Variants in EPSTI1 observed in about 807,000 individuals in gnomAD.
The protein encoded by EPSTI1 is epithelial-stromal interaction protein 1.
EPSTI1 carries 66 observed loss-of-function variants against 49.9 expected under a neutral mutation model. That is an observed-to-expected ratio of 1.32 (90% confidence interval 1.08 to 1.62). EPSTI1 has a LOEUF of 1.62. Ranked by LOEUF, EPSTI1 falls within the 40% of genes most tolerant of loss-of-function variation. The probability of loss-of-function intolerance (pLI) is 0.00; values close to 1 mark genes in which losing one functional copy is unlikely to be tolerated. For missense variants in EPSTI1, 394 were observed against 365.5 expected, an observed-to-expected ratio of 1.08 and a Z score of -0.64; for synonymous variants, 137 against 130.7, an observed-to-expected ratio of 1.05 and a Z score of -0.33.
chr13:42,956,828 T>C (rs1361696640), intron 5 of EPSTI1, among the ~76,000 whole-genome samples: 1 of 152,120 alleles, frequency 6.6e-6, no homozygotes, highest in Non-Finnish European at 1.5e-5. Flanking sequence ...ACAACGTTTA[T>C]AGAGAAAGGA....
chr13:42,948,182 C>T (rs1027661581), intron 6 of EPSTI1, among the ~76,000 whole-genome samples: 9 of 152,258 alleles, frequency 5.9e-5, no homozygotes, highest in African/African-American at 2.2e-4. Context: ...GCCCAGCAGC[C>T]AGCTGGGTCT....
intron 10 of EPSTI1, among the ~76,000 whole-genome samples, chr13:42,890,316 G>A: frequency 2.3e-5 from 1 of 44,316 alleles, no homozygotes; most frequent in Admixed American, 2.0e-4. Flanking sequence ...TTTTTTTTTT[G>A]AGAAAGAGTC....
intron 6 of EPSTI1, among the ~76,000 whole-genome samples, chr13:42,931,905 A>C (rs571406102): frequency 3.9e-4 from 60 of 152,326 alleles, no homozygotes; most frequent in African/African-American, 1.4e-3. Flanking sequence ...TTTTTCTAAG[A>C]TATACACCTA....
intron 9 of EPSTI1, among the ~76,000 whole-genome samples, chr13:42,896,260 G>C (rs576273456): frequency 6.6e-6 from 1 of 152,260 alleles, no homozygotes; most frequent in African/African-American, 2.4e-5. Context: ...TAGTCAGCCT[G>C]CTTCACTGCC....
chr13:42,944,427 C>A (rs745547080), intron 6 of EPSTI1, among the ~76,000 whole-genome samples: 33 of 152,176 alleles, frequency 2.2e-4, no homozygotes, highest in Admixed American at 5.2e-4. Flanking sequence ...GAACAGAAAA[C>A]CAAACACTGC....
intron 5 of EPSTI1, among the ~76,000 whole-genome samples, chr13:42,959,675 A>G (rs1240092751): frequency 6.6e-6 from 1 of 152,236 alleles, no homozygotes; most frequent in Non-Finnish European, 1.5e-5. Context: ...CCAGTGCTTC[A>G]AATGACTTTC....
chr13:42,948,783 C>G (rs1412334021), intron 6 of EPSTI1, among the ~76,000 whole-genome samples: 1 of 152,118 alleles, frequency 6.6e-6, no homozygotes, highest in Non-Finnish European at 1.5e-5. Context: ...AGTCTCATAG[C>G]AGCTTCTTAT....
At chr13:42,929,945 T>G (rs114356217) in intron 6 of EPSTI1, among the ~76,000 whole-genome samples, 3,097 of 152,298 alleles carry the variant, frequency 0.02, 103 homozygotes, top group African/African-American at 0.068. Context: ...GCTGGCTATA[T>G]GAGAATCATC....
chr13:42,901,819 G>A (rs1417468332), intron 8 of EPSTI1, among the ~76,000 whole-genome samples: 1 of 151,938 alleles, frequency 6.6e-6, no homozygotes, highest in African/African-American at 2.4e-5. Context: ...ACAATGTGCA[G>A]GTTAGTTACA....
rs1172181483 is a variant in EPSTI1, at chr13:42,987,956, A to G, written c.188+4022T>C. Reference sequence around the variant, plus strand: ...AGTCTCTACAATACTAATACGAAGTAGGCCACAAAAATGTTAAGATTAACA... The same window carrying G: ...AGTCTCTACAATACTAATACGAAGTGGGCCACAAAAATGTTAAGATTAACA... On this transcript the variant is annotated intron_variant, in intron 1 of 10. Transcript: ENST00000313624. Among the ~76,000 whole-genome samples the G allele has an allele frequency of 3.9e-5, 6 of 152,232 alleles. No individual in the cohort carries two copies. The East Asian group carries it at 1.2e-3, about 29-fold the overall frequency.
intron 8 of EPSTI1, among the ~76,000 whole-genome samples, chr13:42,910,761 A>G (rs2037647694): frequency 1.3e-5 from 2 of 152,216 alleles, no homozygotes; most frequent in South Asian, 4.1e-4. Context: ...AGTTAAAAAA[A>G]TAAGTTTTCT....
intron 1 of EPSTI1, among the ~76,000 whole-genome samples, chr13:42,987,247 T>TG (rs969283011): frequency 6.6e-6 from 1 of 151,838 alleles, no homozygotes; most frequent in African/African-American, 2.4e-5. Flanking sequence ...CCTTAATTTG[T>TG]GGGGTCCACA....
intron 6 of EPSTI1, among the ~76,000 whole-genome samples, chr13:42,951,319 G>A (rs1000720533): frequency 3.9e-5 from 6 of 152,120 alleles, no homozygotes; most frequent in Non-Finnish European, 8.8e-5. Flanking sequence ...ATGAGTTATT[G>A]GTCTTTTAAT....
At position 42,889,233 on chromosome 13, in the gene EPSTI1, A is replaced by G. The variant is rs531548641; in HGVS notation, c.916-731T>C. The G allele has an allele frequency of 3.2e-6, 5 of 1,564,030 alleles. No individual in the cohort carries two copies. In the South Asian group the frequency reaches 6.1e-5, roughly 19 times the overall value. On this transcript the variant is annotated intron_variant, in intron 10 of 10. Transcript: ENST00000313624. ...CACCTTAGGTGCCTCGAAAAAACTA[A>G]TAGAGAACCCTAGAAAAATAAAAAA...
intron 7 of EPSTI1, among the ~76,000 whole-genome samples, chr13:42,925,373 G>A (rs2038138306): frequency 6.6e-6 from 1 of 152,166 alleles, no homozygotes; most frequent in Non-Finnish European, 1.5e-5. Context: ...TTTCTGTGGT[G>A]GTTTTCTACC....
At chr13:42,921,561 A>G (rs1487017593) in intron 7 of EPSTI1, among the ~76,000 whole-genome samples, 7 of 152,186 alleles carry the variant, frequency 4.6e-5, no homozygotes, top group Admixed American at 3.9e-4. Flanking sequence ...AGAGAACCCA[A>G]CATGGGAAGG....
intron 1 of EPSTI1, among the ~76,000 whole-genome samples, chr13:42,987,348 A>G (rs1228393879): frequency 6.6e-6 from 1 of 151,858 alleles, no homozygotes; most frequent in Admixed American, 6.6e-5. Flanking sequence ...ATTTGATGTC[A>G]GGAAAAAAAA....
At chr13:42,980,475 C>T (rs7321630) in intron 1 of EPSTI1, among the ~76,000 whole-genome samples, 136,066 of 152,184 alleles carry the variant, frequency 0.89, 61,373 homozygotes, top group Middle Eastern at 0.96. Context: ...AGCAAAGGCA[C>T]ATCTTACATG....
At chr13:42,917,657 A>AAAAC in intron 7 of EPSTI1, 33 bp from the exon 8 acceptor site, 2 of 1,435,838 alleles carry the variant, frequency 1.4e-6, no homozygotes, top group South Asian at 1.2e-5. Flanking sequence ...AAAAAAAAAA[A>AAAAC]AACAACTTGA....
Sources: gnomAD v4.1 joint callset for allele counts (sites outside exome capture counted in the v4.1 genomes callset) on GRCh38, gnomAD v4.1.1 for gene constraint, MANE v1.5 for transcripts, NCBI Gene and HGNC (gene_info 2026-07-23, HGNC 2026-07-21) for gene names.